Variants in PHLPP2 observed in about 807,000 individuals in gnomAD.
PHLPP2 encodes the protein PH domain and leucine rich repeat protein phosphatase 2.
PHLPP2 carries 66 observed loss-of-function variants against 124.9 expected under a neutral mutation model. The observed-to-expected ratio is 0.53, with a 90% CI of 0.43 to 0.65. PHLPP2 has a LOEUF of 0.65. Ranked by LOEUF, PHLPP2 falls within the 30% of genes least tolerant of loss-of-function variation. The pLI is 0.00. For synonymous variants in PHLPP2, 681 were observed against 624.7 expected (o/e 1.09, Z -1.34); for missense variants, 1,685 against 1,600.4 (o/e 1.05, Z -0.90).
At chr16:71,681,560 T>C (rs780009331) in intron 6 of PHLPP2, among the ~76,000 whole-genome samples, 191 bp downstream of exon 6, 1 of 152,148 alleles carries the variant, frequency 6.6e-6, no homozygotes, top group Admixed American at 6.5e-5. Flanking sequence ...TCACAGAACA[T>C]TTACATCAAT....
At chr16:71,702,977 A>G (rs1055481771) in intron 2 of PHLPP2, among the ~76,000 whole-genome samples, 2 of 151,986 alleles carry the variant, frequency 1.3e-5, no homozygotes, top group Non-Finnish European at 2.9e-5. Flanking sequence ...TGCTTTTCCA[A>G]TGTCTATTAC....
At chr16:71,695,387 A>G (rs886245402) in intron 3 of PHLPP2, among the ~76,000 whole-genome samples, 6 of 152,162 alleles carry the variant, frequency 3.9e-5, no homozygotes, top group Non-Finnish European at 4.4e-5. Context: ...TAATGCATAC[A>G]TGATGTCCAA....
At chr16:71,671,705 G>A (rs548392924) in intron 10 of PHLPP2, among the ~76,000 whole-genome samples, 11 of 151,956 alleles carry the variant, frequency 7.2e-5, no homozygotes, top group Admixed American at 5.9e-4. Context: ...ACAAGGTCAG[G>A]AGATCCAGAC....
Position 71,669,285 on chromosome 16 carries a change from C to T in PHLPP2, c.1618G>A (p.Val540Ile). The T allele has an allele frequency of 2.5e-6, 4 of 1,605,822 alleles. No individual in the cohort carries two copies. Among genetic ancestry groups the T allele is most frequent in the Non-Finnish European group, 3.4e-6 (4 of 1,173,724 alleles). Residue 540 changes from valine to isoleucine, a missense_variant, in exon 11 of 19, where the codon GTT (valine) becomes ATT (isoleucine). Val to Ile is a conservative substitution (Grantham distance 29, BLOSUM62 3). Coordinates refer to ENST00000568954, the MANE Select transcript of PHLPP2 (RefSeq NM_015020.3). The part of the protein sequence containing the change: ...LDVSYNLLTE[V>I]PVRILSSLSL... ...TCCAGGCACACATACCTCACGGGAACCTCTGTGAGAAGATTATAGCTCACA... is the reference window on the plus strand; with the variant it reads ...TCCAGGCACACATACCTCACGGGAATCTCTGTGAGAAGATTATAGCTCACA...
At chr16:71,667,614 C>T (rs1239433778) in intron 11 of PHLPP2, among the ~76,000 whole-genome samples, 19 of 152,164 alleles carry the variant, frequency 1.2e-4, no homozygotes. Flanking sequence ...TAGAATAAAT[C>T]AATTTAGATT....
intron 1 of PHLPP2, chr16:71,715,302 G>A (rs778850228): frequency 6.5e-6 from 1 of 154,974 alleles, no homozygotes; most frequent in Non-Finnish European, 1.4e-5. Context: ...CCGGGAGATT[G>A]AGGTTGCAGT....
intron 1 of PHLPP2, among the ~76,000 whole-genome samples, chr16:71,722,869 A>AC (rs1183845632): frequency 2.0e-5 from 3 of 151,324 alleles, no homozygotes; most frequent in Non-Finnish European, 4.4e-5. Flanking sequence ...GCCTCCCACA[A>AC]CCCCTCCCTT....
At chr16:71,708,976 T>A (rs1005824851) in intron 2 of PHLPP2, among the ~76,000 whole-genome samples, 3 of 151,518 alleles carry the variant, frequency 2.0e-5, no homozygotes, top group African/African-American at 7.3e-5. Context: ...TCTATTTTTT[T>A]AAAAAAAGAA....
chr16:71,697,069 G>A (rs2045179004), intron 3 of PHLPP2, among the ~76,000 whole-genome samples: 1 of 151,940 alleles, frequency 6.6e-6, no homozygotes, highest in African/African-American at 2.4e-5. Flanking sequence ...CACTCAGGAG[G>A]CTGAGGAAGG....
intron 4 of PHLPP2, among the ~76,000 whole-genome samples, chr16:71,689,090 A>C (rs780572753): frequency 6.6e-6 from 1 of 152,212 alleles, no homozygotes; most frequent in Admixed American, 6.5e-5. Context: ...CTAAATACTT[A>C]TAAGAGCCAA....
At chr16:71,670,290 A>G (rs574188821) in intron 10 of PHLPP2, among the ~76,000 whole-genome samples, 6 of 152,336 alleles carry the variant, frequency 3.9e-5, no homozygotes, top group East Asian at 1.9e-4. Flanking sequence ...GTCACGTCCA[A>G]TGAAGTATAG....
In PHLPP2 at chr16:71,652,846, C is replaced by G; in HGVS notation, c.2761G>C (p.Glu921Gln). Residue 921 changes from glutamate (E) to glutamine (Q), a missense_variant, in exon 18 of 19, where the codon GAG becomes CAG. Coordinates refer to ENST00000568954, the MANE Select transcript of PHLPP2 (RefSeq NM_015020.3). The part of the protein sequence containing the change: ...PVPLSKVFSL[E>Q]QDPEEAQRVK... ...CTTTGAGCCTCCTCTGGGTCCTGCT[C>G]CAGGCTGAAGACTTTAGAGAGGGGC... is the stretch of plus-strand genomic sequence containing the variant. The G allele has an allele frequency of 6.2e-7, 1 of 1,614,140 alleles. No individual in the cohort carries two copies.
intron 6 of PHLPP2, among the ~76,000 whole-genome samples, chr16:71,680,935 A>G (rs940139293): frequency 1.3e-5 from 2 of 152,218 alleles, no homozygotes; most frequent in East Asian, 1.9e-4. Flanking sequence ...CTACCTCATT[A>G]CTAAACAGAG....
chr16:71,649,260 G>C lies in PHLPP2; in HGVS notation c.3602C>G (p.Ser1201Trp). ...TLCSEEHARG[S>W]CFGIRRQNSV... ...GTTCTGTCTTCGGATCCCAAAACAC[G>C]ACCCTCTAGCATGTTCCTCAGAACA... Residue 1201 changes from serine to tryptophan, a missense_variant, in exon 19 of 19, where the codon TCG becomes TGG. Ser to Trp is a radical substitution (Grantham distance 177). Transcript: ENST00000568954. 6.2e-7 allele frequency: 1 copy of C among 1,613,916 alleles called. No individual in the cohort carries two copies.
chr16:71,652,032 G>A (rs2044700139), intron 18 of PHLPP2, among the ~76,000 whole-genome samples: 1 of 152,156 alleles, frequency 6.6e-6, no homozygotes, highest in South Asian at 2.1e-4. Flanking sequence ...AAACTGACAG[G>A]TGGGCCTTCA....
intron 1 of PHLPP2, chr16:71,715,238 T>C (rs2045354561): frequency 1.2e-5 from 2 of 168,988 alleles, no homozygotes; most frequent in South Asian, 2.9e-4. Flanking sequence ...CACACGCCTG[T>C]AGTCCCAGCT....
Position 71,684,349 on chromosome 16 carries a change from C to T in PHLPP2, c.735+127G>A, listed in dbSNP as rs1407509353. ...CCATGTTGGTCAGACTGGTCTCGAA[C>T]TCCCAACCTCAGGTGATCCGTCCAC... On this transcript the variant is annotated intron_variant, in intron 5 of 18. Transcript: ENST00000568954. 7 of 873,904 alleles carry T rather than the reference C, an allele frequency of 8.0e-6. No individual in the cohort carries two copies. The East Asian group carries it at 1.3e-4, about 16-fold the overall frequency. The allele number at this position is 873,904 out of a possible 1,614,324, so 54.1% of individuals were successfully genotyped here. A position where few individuals can be genotyped will look rare whatever the true frequency, so the allele number is the denominator to read the frequency against.
chr16:71,684,561 C>G lies in PHLPP2; in HGVS notation c.650G>C (p.Ser217Thr), dbSNP rs750142984. ...GGTCTGAGCTTGGGCTCCTGCTGAGCTGAAAGCAAGGGAGTATTGCCGTCG... is the reference window on the plus strand; with the variant it reads ...GGTCTGAGCTTGGGCTCCTGCTGAGGTGAAAGCAAGGGAGTATTGCCGTCG... ...VKRRQYSLAF[S>T]SAGAQAQTYH... Residue 217 changes from serine (S) to threonine (T), a missense_variant, in exon 5 of 19, where the codon AGC becomes ACC. By Grantham distance (58) the Ser-to-Thr change is moderately conservative (BLOSUM62 1). Transcript: ENST00000568954. 7 of 1,613,818 alleles carry G rather than the reference C, an allele frequency of 4.3e-6. No homozygotes were observed. The South Asian group carries it at 7.7e-5, about 18-fold the overall frequency.
intron 7 of PHLPP2, 22 bp from the exon 8 acceptor site, chr16:71,679,007 A>G: frequency 7.6e-7 from 1 of 1,314,520 alleles, no homozygotes; most frequent in Non-Finnish European, 1.1e-6. Flanking sequence ...AAACAAAACA[A>G]GTCTACTTTA....
Sources: gnomAD v4.1 joint callset for allele counts (sites outside exome capture counted in the v4.1 genomes callset) on GRCh38, gnomAD v4.1.1 for gene constraint, MANE v1.5 for transcripts, NCBI Gene and HGNC (gene_info 2026-07-23, HGNC 2026-07-21) for gene names.